KIF27: variants seen among roughly 807,000 people sequenced by gnomAD.
KIF27 encodes kinesin-like protein KIF27.
Under a neutral mutation model 141.8 loss-of-function variants are expected in KIF27, and 84 were observed. The ratio of observed to expected loss-of-function variants is 0.59; its 90% CI spans 0.50 to 0.71. The LOEUF (loss-of-function observed/expected upper bound fraction) is 0.71, where lower values mean the gene tolerates loss of function less well. Ranked by LOEUF, KIF27 falls within the 30% of genes least tolerant of loss-of-function variation. The probability of loss-of-function intolerance (pLI) is 0.00; values close to 1 mark genes in which losing one functional copy is unlikely to be tolerated. For synonymous variants in KIF27, 471 were observed against 569.5 expected (o/e 0.83, Z 2.46); for missense variants, 1,306 against 1,628.4 (o/e 0.80, Z 3.41).
chr9:83,907,405 C>T (rs1203601300), intron 3 of KIF27, among the ~76,000 whole-genome samples: 5 of 151,454 alleles, frequency 3.3e-5, no homozygotes, highest in South Asian at 2.1e-4. Flanking sequence ...TATTTCTAGG[C>T]GCTAGGATTA....
intron 13 of KIF27, among the ~76,000 whole-genome samples, chr9:83,864,371 G>C (rs1950187190): frequency 6.6e-6 from 1 of 152,164 alleles, no homozygotes; most frequent in Non-Finnish European, 1.5e-5. Flanking sequence ...CTGGTATGTT[G>C]TGTCTTTGTT....
At chr9:83,900,088 A>G (rs2132518005) in intron 4 of KIF27, among the ~76,000 whole-genome samples, 1 of 152,318 alleles carries the variant, frequency 6.6e-6, no homozygotes, top group Middle Eastern at 3.4e-3. Flanking sequence ...ACCTTCACTA[A>G]GATTTTTACA....
intron 9 of KIF27, among the ~76,000 whole-genome samples, chr9:83,886,815 A>G (rs1011174515): frequency 5.9e-5 from 9 of 152,302 alleles, no homozygotes; most frequent in African/African-American, 1.9e-4. Flanking sequence ...TTTCAGCACA[A>G]TGCAGAGTTC....
intron 17 of KIF27, among the ~76,000 whole-genome samples, chr9:83,841,720 C>G (rs1946590071): frequency 6.6e-6 from 1 of 151,982 alleles, no homozygotes; most frequent in South Asian, 2.1e-4. Context: ...TATATTTTGT[C>G]ATGTTATTTC....
At chr9:83,864,768 G>A (rs1950217850) in intron 13 of KIF27, among the ~76,000 whole-genome samples, 1 of 152,230 alleles carries the variant, frequency 6.6e-6, no homozygotes, top group African/African-American at 2.4e-5. Flanking sequence ...AATGTTGACA[G>A]TGAGGTGTTA....
chr9:83,891,252 T>C, intron 6 of KIF27, 43 bp downstream of exon 6: 4 of 1,557,068 alleles, frequency 2.6e-6, no homozygotes, highest in Non-Finnish European at 3.5e-6. Flanking sequence ...ATGGCTAAAA[T>C]TTTTTTAATC....
At chr9:83,914,783 T>C (rs185447550) in intron 2 of KIF27, among the ~76,000 whole-genome samples, 2 of 152,306 alleles carry the variant, frequency 1.3e-5, no homozygotes, top group African/African-American at 2.4e-5. Context: ...TTCAGCTCTA[T>C]ATGAGATCCT....
chr9:83,849,996 A>C, intron 16 of KIF27, 103 bp downstream of exon 16: 1 of 1,029,026 alleles, frequency 9.7e-7, no homozygotes. Flanking sequence ...AGTAGCAACT[A>C]TTTAAACATG....
In KIF27 at chr9:83,916,084, C is replaced by A. The variant is rs574318746; in HGVS notation, c.-87-406G>T. 8.5e-5 allele frequency among the ~76,000 whole-genome samples: 13 copies of A among 152,210 alleles called. No homozygotes were observed. The South Asian group carries it at 2.7e-3, about 32-fold the overall frequency. Reference sequence around the variant, plus strand: ...TTTTGAGATGGAGTCTAGGCTGGAACGCAGTGGTGAGATCTCGGCTCTCTG... The same window carrying A: ...TTTTGAGATGGAGTCTAGGCTGGAAAGCAGTGGTGAGATCTCGGCTCTCTG... On this transcript the variant is annotated intron_variant, in intron 1 of 17. Transcript: ENST00000297814.
chr9:83,849,769 T>C (rs1370708203), intron 16 of KIF27, among the ~76,000 whole-genome samples: 3 of 151,362 alleles, frequency 2.0e-5, no homozygotes, highest in Non-Finnish European at 4.4e-5. Context: ...CCCTGAGAAA[T>C]AAAAAAAAAT....
At chr9:83,873,983 C>T (rs769443200) in intron 11 of KIF27, among the ~76,000 whole-genome samples, 2 of 151,028 alleles carry the variant, frequency 1.3e-5, no homozygotes, top group Non-Finnish European at 2.9e-5. Context: ...ACCCGGGAGG[C>T]GGAGCTTGCA....
At chr9:83,852,174 G>C (rs1267252368) in intron 15 of KIF27, among the ~76,000 whole-genome samples, 2 of 141,452 alleles carry the variant, frequency 1.4e-5, no homozygotes, top group South Asian at 4.6e-4. Flanking sequence ...GCCTGGGCGC[G>C]GTGGCTCACG....
chr9:83,901,289 T>TA (rs1208616889), intron 4 of KIF27, among the ~76,000 whole-genome samples: 1 of 152,218 alleles, frequency 6.6e-6, no homozygotes, highest in African/African-American at 2.4e-5. Context: ...GTATAGATCT[T>TA]AATGTAACAA....
rs1327323951 is a variant in KIF27 at position 83,836,069 on chromosome 9, C to T, written c.*932G>A. 6.6e-6 allele frequency among the ~76,000 whole-genome samples: 1 copy of T among 152,102 alleles called. No individual in the cohort carries two copies. Among genetic ancestry groups the T allele is most frequent in the African/African-American group, 2.4e-5 (1 of 41,418 alleles). Reference sequence around the variant, plus strand: ...AGTAAAAATTTCATTGACATATTTACAGCCCCAGTGTAGTTTGGCCGGTGT... The same window carrying T: ...AGTAAAAATTTCATTGACATATTTATAGCCCCAGTGTAGTTTGGCCGGTGT... On this transcript the variant is annotated 3_prime_UTR_variant, in exon 18 of 18. Coordinates refer to ENST00000297814, the MANE Select transcript of KIF27 (RefSeq NM_017576.4).
chr9:83,841,891 T>C (rs1587869063), intron 17 of KIF27, among the ~76,000 whole-genome samples: 1 of 152,244 alleles, frequency 6.6e-6, no homozygotes, highest in East Asian at 1.9e-4. Flanking sequence ...TTACCTACCA[T>C]ACATCTTTTT....
rs1179333403 is a variant in KIF27 at position 83,891,841 on chromosome 9, G to A, written c.1603-340C>T. On this transcript the variant is annotated intron_variant, in intron 5 of 17. Coordinates refer to ENST00000297814, the MANE Select transcript of KIF27 (RefSeq NM_017576.4). ...TATGGACTTTCTGAGTGAAATCCAA[G>A]AAGTAAAAAGAAACAAGAAAGTTCA... Among the ~76,000 whole-genome samples, 26 of 152,262 alleles carry A rather than the reference G, an allele frequency of 1.7e-4. No homozygotes were observed. The South Asian group carries it at 5.4e-3, about 32-fold the overall frequency.
chr9:83,895,535 T>C (rs1369997954), intron 5 of KIF27, among the ~76,000 whole-genome samples: 3 of 152,150 alleles, frequency 2.0e-5, no homozygotes, highest in Non-Finnish European at 4.4e-5. Context: ...CAACACTGCA[T>C]TGGAGATCCC....
At chr9:83,860,506 CATT>C (rs1949771715) in intron 13 of KIF27, among the ~76,000 whole-genome samples, 1 of 152,084 alleles carries the variant, frequency 6.6e-6, no homozygotes, top group Non-Finnish European at 1.5e-5. Flanking sequence ...TATTCATTTT[CATT>C]ATTATAACTT....
chr9:83,903,227 G>A lies in KIF27; in HGVS notation c.1291C>T (p.Leu431=). 6.2e-7 allele frequency: 1 copy of A among 1,614,128 alleles called. No individual in the cohort carries two copies. The highest frequency in any genetic ancestry group is 8.5e-7 in the Non-Finnish European group (1 of 1,180,024). ...FLVDLKDTVR[L]NEKQQHKLQE... ...AGTTTGTGTTGCTGCTTTTCGTTTAGTCTGACAGTATCTTTTAGGTCAACC... is the reference window on the plus strand; with the variant it reads ...AGTTTGTGTTGCTGCTTTTCGTTTAATCTGACAGTATCTTTTAGGTCAACC... The change falls in exon 4 of 18, where the codon CTA becomes TTA. Residue 431 remains leucine, a synonymous_variant. Coordinates refer to ENST00000297814, the MANE Select transcript of KIF27 (RefSeq NM_017576.4).
Sources: gnomAD v4.1 joint callset for allele counts (sites outside exome capture counted in the v4.1 genomes callset) on GRCh38, gnomAD v4.1.1 for gene constraint, MANE v1.5 for transcripts, NCBI Gene and HGNC (gene_info 2026-07-23, HGNC 2026-07-21) for gene names.